The following VAT1L variants were observed in gnomAD, a reference collection of about 807,000 sequenced individuals.
The protein encoded by VAT1L is vesicle amine transport 1 like.
VAT1L carries 34 observed loss-of-function variants against 44.1 expected under a neutral mutation model. The ratio of observed to expected loss-of-function variants is 0.77; its 90% CI spans 0.59 to 1.03. The LOEUF (loss-of-function observed/expected upper bound fraction) is 1.03, where lower values mean the gene tolerates loss of function less well. VAT1L is among the 50% of genes least tolerant of loss of function. VAT1L has a pLI of 0.00. For synonymous variants in VAT1L, 253 were observed against 202.2 expected, an observed-to-expected ratio of 1.25 and a Z score of -2.13; for missense variants, 615 against 538.8, an observed-to-expected ratio of 1.14 and a Z score of -1.40.
intron 7 of VAT1L, among the ~76,000 whole-genome samples, chr16:77,952,990 A>G (rs964398806): frequency 2.6e-5 from 4 of 152,034 alleles, no homozygotes; most frequent in East Asian, 1.9e-4. Flanking sequence ...TTGCAACAAC[A>G]TTGCAGATAT....
chr16:77,865,119 A>G (rs1469587493), intron 4 of VAT1L, among the ~76,000 whole-genome samples: 6 of 151,684 alleles, frequency 4.0e-5, no homozygotes, highest in Non-Finnish European at 8.8e-5. Flanking sequence ...GACTACAGGC[A>G]CCCACCACCA....
chr16:77,870,904 C>G (rs1246930297), intron 4 of VAT1L, among the ~76,000 whole-genome samples: 2 of 152,140 alleles, frequency 1.3e-5, no homozygotes, highest in Non-Finnish European at 2.9e-5. Flanking sequence ...ATTAAAAGGG[C>G]TACTGCAGCG....
chr16:77,916,726 G>A (rs1244898723), intron 7 of VAT1L, among the ~76,000 whole-genome samples: 1 of 151,894 alleles, frequency 6.6e-6, no homozygotes, highest in African/African-American at 2.4e-5. Context: ...AATCTATGCT[G>A]GAATCGTCTT....
intron 7 of VAT1L, chr16:77,892,668 T>A (rs1381712437): frequency 1.4e-6 from 1 of 719,372 alleles, no homozygotes; most frequent in Non-Finnish European, 2.6e-6. Context: ...GGAGAGAAAT[T>A]AGATGATGAG....
intron 7 of VAT1L, among the ~76,000 whole-genome samples, chr16:77,970,051 TAAAAAAAAAAA>T (rs36120858): frequency 1.2e-5 from 1 of 86,822 alleles, no homozygotes; most frequent in Non-Finnish European, 2.1e-5. Flanking sequence ...ACATCTCTAC[TAAAAAAAAAAA>T]AAAAAAAAAA....
chr16:77,919,866 T>C (rs534865894), intron 7 of VAT1L, among the ~76,000 whole-genome samples: 1 of 152,230 alleles, frequency 6.6e-6, no homozygotes, highest in South Asian at 2.1e-4. Flanking sequence ...GGGAGGCAGA[T>C]CACTTGCGGT....
intron 7 of VAT1L, among the ~76,000 whole-genome samples, chr16:77,932,610 A>G (rs902045329): frequency 7.2e-5 from 11 of 152,174 alleles, no homozygotes; most frequent in Admixed American, 3.3e-4. Context: ...TAGCAACACA[A>G]TATCTTACAC....
chr16:77,834,467 C>G (rs1013718992), intron 3 of VAT1L, among the ~76,000 whole-genome samples: 8 of 152,174 alleles, frequency 5.3e-5, no homozygotes, highest in African/African-American at 1.9e-4. Flanking sequence ...ATGCGATGCA[C>G]ATCACTTCCA....
intron 3 of VAT1L, among the ~76,000 whole-genome samples, chr16:77,834,932 A>T (rs2016623097): frequency 6.6e-6 from 1 of 152,196 alleles, no homozygotes; most frequent in Admixed American, 6.5e-5. Flanking sequence ...GTCTCTGTGT[A>T]TGTTAAATGA....
At chr16:77,956,666 G>A (rs916931639) in intron 7 of VAT1L, among the ~76,000 whole-genome samples, 2 of 152,178 alleles carry the variant, frequency 1.3e-5, no homozygotes, top group Admixed American at 6.5e-5. Context: ...AGAGCCTATA[G>A]TTTGCTCCTC....
chr16:77,834,380 A>G (rs952218875), intron 3 of VAT1L, among the ~76,000 whole-genome samples: 34 of 151,992 alleles, frequency 2.2e-4, no homozygotes, highest in Admixed American at 2.2e-3. Flanking sequence ...TTTTCAAACC[A>G]TCCTCCCTGC....
chr16:77,962,070 C>G (rs1471578478), intron 7 of VAT1L, among the ~76,000 whole-genome samples: 1 of 152,124 alleles, frequency 6.6e-6, no homozygotes, highest in Non-Finnish European at 1.5e-5. Flanking sequence ...ATACCCACAT[C>G]CTAATTTCCA....
At chr16:77,945,207 AC>A (rs2017945200) in intron 7 of VAT1L, among the ~76,000 whole-genome samples, 1 of 150,418 alleles carries the variant, frequency 6.6e-6, no homozygotes. Flanking sequence ...AGCACAAAAA[AC>A]ATGGCTTGTG....
chr16:77,880,890 G>C (rs1479033415), intron 6 of VAT1L, among the ~76,000 whole-genome samples: 1 of 152,010 alleles, frequency 6.6e-6, no homozygotes, highest in Non-Finnish European at 1.5e-5. Flanking sequence ...AGGAAAATGA[G>C]CTCCAGCTGC....
At chr16:77,910,458 G>C (rs2017487468) in intron 7 of VAT1L, among the ~76,000 whole-genome samples, 1 of 152,030 alleles carries the variant, frequency 6.6e-6, no homozygotes, top group Non-Finnish European at 1.5e-5. Flanking sequence ...GAATCACAAG[G>C]TCAGGAGATC....
chr16:77,822,811 G>A (rs544813105), intron 2 of VAT1L, among the ~76,000 whole-genome samples: 30 of 152,200 alleles, frequency 2.0e-4, no homozygotes, highest in African/African-American at 7.2e-4. Context: ...TTGCTGTCAC[G>A]AGAGCCCCAG....
rs1429297837 is a variant in VAT1L, at chr16:77,949,692, C to T, written c.1078-22158C>T. 5.3e-5 allele frequency among the ~76,000 whole-genome samples: 8 copies of T among 152,212 alleles called. No homozygotes were observed. The East Asian group carries it at 5.8e-4, about 11-fold the overall frequency. On this transcript the variant is annotated intron_variant, in intron 7 of 8. Coordinates refer to ENST00000302536, the MANE Select transcript of VAT1L (RefSeq NM_020927.3). ...CACGTGCCAGCTCCCCTGCACCTTC[C>T]GCCATGAGCAGAAACAGCCTGGGGC...
intron 7 of VAT1L, among the ~76,000 whole-genome samples, chr16:77,964,804 T>TTTTTTTC (rs2018204856): frequency 1.3e-5 from 1 of 77,182 alleles, no homozygotes; most frequent in Non-Finnish European, 3.2e-5. Context: ...TTTTTTTTTT[T>TTTTTTTC]TTTTTTTAGA....
At chr16:77,821,135 C>G (rs1055637455) in intron 2 of VAT1L, among the ~76,000 whole-genome samples, 2 of 152,202 alleles carry the variant, frequency 1.3e-5, no homozygotes, top group Non-Finnish European at 2.9e-5. Context: ...AGCATTGGGT[C>G]ATGCATTGAG....
Sources: gnomAD v4.1 joint callset for allele counts (sites outside exome capture counted in the v4.1 genomes callset) on GRCh38, gnomAD v4.1.1 for gene constraint, MANE v1.5 for transcripts, NCBI Gene and HGNC (gene_info 2026-07-23, HGNC 2026-07-21) for gene names.